Variants in POU2AF3 observed in about 807,000 individuals in gnomAD.
POU2AF3 encodes the protein cancer susceptibility candidate 13.
the POU2AF3 span, chr11:111,306,303 G>T: frequency 1.5e-6 from 1 of 664,476 alleles, no homozygotes; most frequent in South Asian, 3.1e-5. Context: ...TTTCCCCCTA[G>T]ACATAGTAAA....
the POU2AF3 span, chr11:111,298,904 A>ACGGGGGGAGCTAGAGGCT: frequency 9.1e-7 from 1 of 1,100,584 alleles, no homozygotes; most frequent in African/African-American, 1.7e-5. Context: ...AGAAGCTGCT[A>ACGGGGGGAGCTAGAGGCT]CGGGGGGAGC....
the POU2AF3 span, among the ~76,000 whole-genome samples, chr11:111,304,323 G>A: frequency 6.6e-6 from 1 of 152,252 alleles, no homozygotes; most frequent in Middle Eastern, 3.4e-3. Flanking sequence ...TTAAATAAAT[G>A]TTAGTCCTTA....
At chr11:111,298,826 G>GCCGGGGGGCC in the POU2AF3 span, 2 of 790,960 alleles carry the variant, frequency 2.5e-6, no homozygotes, top group Non-Finnish European at 3.4e-6. Context: ...CGTACCCCAG[G>GCCGGGGGGCC]CCCCCGCCCG....
At chr11:111,308,445 T>C in the POU2AF3 span, 1 of 1,537,728 alleles carries the variant, frequency 6.5e-7, no homozygotes, top group Non-Finnish European at 8.8e-7. Flanking sequence ...TAATAGAAAT[T>C]ACAGTAATTC....
the POU2AF3 span, chr11:111,308,198 G>A: frequency 1.3e-6 from 2 of 1,551,828 alleles, no homozygotes; most frequent in Non-Finnish European, 1.7e-6. Context: ...CAGAACCTGT[G>A]GCTACCCCCC....
At chr11:111,304,513 T>C in the POU2AF3 span, among the ~76,000 whole-genome samples, 1 of 152,166 alleles carries the variant, frequency 6.6e-6, no homozygotes, top group Non-Finnish European at 1.5e-5. Context: ...ACATAAATAT[T>C]GGATCTAGAT....
chr11:111,299,982 G>GAGGTC, the POU2AF3 span: 3 of 398,538 alleles, frequency 7.5e-6, no homozygotes, highest in African/African-American at 6.2e-5. Context: ...AGGGCACGCA[G>GAGGTC]AGGTCGGAGC....
At chr11:111,298,829 C>CG in the POU2AF3 span, 11 of 388,148 alleles carry the variant, frequency 2.8e-5, no homozygotes, top group Non-Finnish European at 4.4e-5. Context: ...ACCCCAGGCC[C>CG]CCGCCCGCCC....
At chr11:111,298,826 G>GCCGGGGC in the POU2AF3 span, 28 of 790,946 alleles carry the variant, frequency 3.5e-5, no homozygotes, top group Non-Finnish European at 4.7e-5. Flanking sequence ...CGTACCCCAG[G>GCCGGGGC]CCCCCGCCCG....
the POU2AF3 span, chr11:111,308,518 C>T: frequency 7.4e-7 from 1 of 1,349,060 alleles, no homozygotes; most frequent in African/African-American, 1.5e-5. Flanking sequence ...AAATATGCAA[C>T]TTGGTAACAC....
chr11:111,301,945 G>T, the POU2AF3 span, among the ~76,000 whole-genome samples: 2 of 152,168 alleles, frequency 1.3e-5, no homozygotes, highest in Admixed American at 6.5e-5. Flanking sequence ...CTGCAATTTG[G>T]CATATACAGC....
chr11:111,308,266 G>A, the POU2AF3 span: 13 of 1,551,490 alleles, frequency 8.4e-6, no homozygotes, highest in Middle Eastern at 1.7e-4. Context: ...GCTTCTCCTC[G>A]GCCACCACCT....
the POU2AF3 span, among the ~76,000 whole-genome samples, chr11:111,304,473 T>C: frequency 6.6e-6 from 1 of 152,240 alleles, no homozygotes; most frequent in East Asian, 1.9e-4. Context: ...AAGAATCTGA[T>C]ATTAGGAAAA....
chr11:111,299,156 G>T, the POU2AF3 span: 1 of 945,616 alleles, frequency 1.1e-6, no homozygotes, highest in Non-Finnish European at 1.3e-6. Flanking sequence ...CTCCTTTCCT[G>T]GGGAGACCCT....
At chr11:111,299,132 AG>A in the POU2AF3 span, 1 of 953,594 alleles carries the variant, frequency 1.0e-6, no homozygotes, top group South Asian at 4.8e-5. Flanking sequence ...GGTCCGGGCT[AG>A]GAAGAGCGCA....
the POU2AF3 span, chr11:111,299,113 G>A: frequency 2.1e-6 from 2 of 965,948 alleles, no homozygotes; most frequent in East Asian, 1.1e-4. Context: ...CGGGGCACGG[G>A]ATTCCCTGGG....
At chr11:111,304,656 G>A in the POU2AF3 span, among the ~76,000 whole-genome samples, 5 of 151,858 alleles carry the variant, frequency 3.3e-5, no homozygotes, top group South Asian at 2.1e-4. Context: ...AATTCTACAC[G>A]GACTTAATAC....
At chr11:111,308,454 T>G in the POU2AF3 span, 2 of 1,530,892 alleles carry the variant, frequency 1.3e-6, no homozygotes, top group Non-Finnish European at 1.8e-6. Flanking sequence ...TTACAGTAAT[T>G]CAGAACATGG....
chr11:111,307,982 A>G, the POU2AF3 span: 3 of 1,286,458 alleles, frequency 2.3e-6, no homozygotes, highest in African/African-American at 3.0e-5. Flanking sequence ...TCATTTTCTC[A>G]CTCTGCATTG....
Sources: allele counts gnomAD v4.1 joint callset (sites outside exome capture counted in the v4.1 genomes callset), GRCh38; gene constraint gnomAD v4.1.1; transcripts MANE v1.5; gene names NCBI Gene and HGNC (gene_info 2026-07-23, HGNC 2026-07-21).